The following ZFAT variants were observed in gnomAD, a reference collection of about 807,000 sequenced individuals.
ZFAT encodes zinc finger and AT-hook domain containing.
In ZFAT, 64 loss-of-function variants were observed where a neutral mutation model predicts 117.7. That is an observed-to-expected ratio of 0.54 (90% CI 0.44 to 0.67). The LOEUF is 0.67. ZFAT is among the 30% of genes least tolerant of loss of function. ZFAT has a pLI of 0.00. For missense variants in ZFAT, 1,433 were observed against 1,584.5 expected, an observed-to-expected ratio of 0.90 and a Z score of 1.62; for synonymous variants, 679 against 615.0, an observed-to-expected ratio of 1.10 and a Z score of -1.54.
chr8:134,668,296 G>A (rs528907720), intron 1 of ZFAT, among the ~76,000 whole-genome samples: 38 of 152,290 alleles, frequency 2.5e-4, no homozygotes, highest in Admixed American at 2.2e-3. Context: ...ATCTGAGAAC[G>A]GACAGACCCT....
At chr8:134,780,254 C>A in the ZFAT span, among the ~76,000 whole-genome samples, 3 of 152,148 alleles carry the variant, frequency 2.0e-5, no homozygotes. Context: ...TGTCCTGGGA[C>A]CAAATGGTTG....
intron 12 of ZFAT, among the ~76,000 whole-genome samples, chr8:134,525,108 T>C (rs947420902): frequency 6.6e-6 from 1 of 152,222 alleles, no homozygotes; most frequent in Admixed American, 6.5e-5. Context: ...CTCTGCATTA[T>C]ATGGCGATGC....
Position 134,650,002 on chromosome 8 carries a change from T to C in ZFAT, c.196+7559A>G, listed in dbSNP as rs183759247. Among the ~76,000 whole-genome samples the C allele has an allele frequency of 2.3e-3, 352 of 152,340 alleles. 1 individual carries two copies. The highest frequency in any genetic ancestry group is 8.2e-3 in the African/African-American group (340 of 41,576). The stretch of plus-strand genomic sequence containing the variant: ...CCCCTTGTTTGCACTCACTCTGTCC[T>C]GCTGCCCTGTGAAGAAGGTTCCTGC... On this transcript the variant is annotated intron_variant, in intron 2 of 15. Transcript: ENST00000377838.
At chr8:134,635,285 C>T (rs1830139307) in intron 3 of ZFAT, among the ~76,000 whole-genome samples, 1 of 152,170 alleles carries the variant, frequency 6.6e-6, no homozygotes, top group Non-Finnish European at 1.5e-5. Context: ...CAGAGCTTGA[C>T]CTGAGGTCTG....
intron 3 of ZFAT, among the ~76,000 whole-genome samples, chr8:134,619,231 C>T (rs7010149): frequency 0.033 from 5,056 of 151,932 alleles, 301 homozygotes; most frequent in African/African-American, 0.12. Context: ...CCATTTCACA[C>T]AAAGCCTATT....
At position 134,608,749 on chromosome 8, in the gene ZFAT, C is replaced by G; in HGVS notation, c.765G>C (p.Glu255Asp). The change falls in exon 5 of 16, where the codon GAG becomes GAC. Residue 255 changes from glutamate (E) to aspartate (D), a missense_variant. Glu to Asp is a conservative substitution (Grantham distance 45). Transcript: ENST00000377838. ...TTTACCTGCTTGACTTCATTGGTTG[C>G]TCATAAGGTGTCTGCTGAATGGCGT... is the stretch of plus-strand genomic sequence containing the variant. ...QEYAIQQTPY[E>D]QPMKSSRLGP... is the part of the protein sequence containing the mutation. The G allele has an allele frequency of 6.2e-7, 1 of 1,610,816 alleles. No homozygotes were observed. The highest frequency in any genetic ancestry group is 8.5e-7 in the Non-Finnish European group (1 of 1,178,844).
At chr8:134,783,474 C>T in the ZFAT span, among the ~76,000 whole-genome samples, 6 of 152,278 alleles carry the variant, frequency 3.9e-5, no homozygotes, top group African/African-American at 1.2e-4. Flanking sequence ...CACCTCCCCC[C>T]TTACCCCTGT....
intron 6 of ZFAT, among the ~76,000 whole-genome samples, 195 bp from the exon 7 acceptor site, chr8:134,600,863 T>C (rs192963840): frequency 3.7e-4 from 57 of 152,320 alleles, no homozygotes; most frequent in Non-Finnish European, 6.5e-4. Flanking sequence ...TTAAGGGTGC[T>C]ACTATTTTTT....
chr8:134,813,741 T>C, the ZFAT span, among the ~76,000 whole-genome samples: 1 of 151,942 alleles, frequency 6.6e-6, no homozygotes, highest in South Asian at 2.1e-4. Context: ...TTTATACAAC[T>C]ATAATATAGT....
chr8:134,820,166 T>C, the ZFAT span, among the ~76,000 whole-genome samples: 1 of 152,240 alleles, frequency 6.6e-6, no homozygotes, highest in Non-Finnish European at 1.5e-5. Flanking sequence ...GTGATTTGAA[T>C]GAGGGCATAG....
At chr8:134,814,457 G>C in the ZFAT span, among the ~76,000 whole-genome samples, 3 of 152,210 alleles carry the variant, frequency 2.0e-5, no homozygotes, top group Non-Finnish European at 4.4e-5. Context: ...CATGGTGACT[G>C]TCAAGATAGG....
chr8:134,542,222 A>C (rs887288532), intron 11 of ZFAT, among the ~76,000 whole-genome samples: 13 of 152,334 alleles, frequency 8.5e-5, no homozygotes, highest in South Asian at 2.1e-4. Context: ...TGTGTCCTGG[A>C]CCAAAGTCAA....
Position 134,524,300 on chromosome 8 carries a change from A to C in ZFAT, c.3116-3299T>G, listed in dbSNP as rs189215418. 1.9e-3 allele frequency among the ~76,000 whole-genome samples: 287 copies of C among 152,288 alleles called. 1 individual carries two copies. The highest frequency in any genetic ancestry group is 2.6e-3 in the Non-Finnish European group (175 of 68,034). ...GTCTCCACTTCCAAGAACTCACTAGAAAGAGGTGCTGTTAGTGATGCTCTG... is the reference window on the plus strand; with the variant it reads ...GTCTCCACTTCCAAGAACTCACTAGCAAGAGGTGCTGTTAGTGATGCTCTG... On this transcript the variant is annotated intron_variant, in intron 12 of 15. Coordinates refer to ENST00000377838, the MANE Select transcript of ZFAT (RefSeq NM_020863.4).
rs138645487 is a variant in ZFAT, at chr8:134,509,775, A to G, written c.3362-26T>C. 3.1e-4 allele frequency: 490 copies of G among 1,575,320 alleles called. 2 individuals carry two copies. The African/African-American group carries it at 5.6e-3, about 18-fold the overall frequency. ...CTTAAGAGGAAGAAGCAAAGAGGAC[A>G]CCATTCAGGCCACTGGTGCTGAAGG... is the stretch of plus-strand genomic sequence containing the variant. On this transcript the variant is annotated intron_variant, in intron 14 of 15. Coordinates refer to ENST00000377838, the MANE Select transcript of ZFAT (RefSeq NM_020863.4).
the ZFAT span, among the ~76,000 whole-genome samples, chr8:134,813,302 C>T: frequency 6.6e-6 from 1 of 152,232 alleles, no homozygotes; most frequent in Non-Finnish European, 1.5e-5. Flanking sequence ...TGGCTGCCTT[C>T]TTCCTAAGGC....
At chr8:134,682,853 A>G (rs1833136814) in intron 1 of ZFAT, among the ~76,000 whole-genome samples, 1 of 152,060 alleles carries the variant, frequency 6.6e-6, no homozygotes, top group East Asian at 1.9e-4. Context: ...CTGGCTTCTG[A>G]GCTCACTTCT....
At chr8:134,537,377 C>A (rs1312266333) in intron 11 of ZFAT, among the ~76,000 whole-genome samples, 3 of 152,200 alleles carry the variant, frequency 2.0e-5, no homozygotes, top group African/African-American at 4.8e-5. Context: ...AAAACCCCAA[C>A]TGAGAGGGGC....
chr8:134,644,584 C>A (rs1482810192), intron 2 of ZFAT, among the ~76,000 whole-genome samples: 1 of 151,560 alleles, frequency 6.6e-6, no homozygotes, highest in African/African-American at 2.4e-5. Flanking sequence ...ACATACACAA[C>A]CCATGTACAC....
At chr8:134,524,786 C>T (rs1820909169) in intron 12 of ZFAT, among the ~76,000 whole-genome samples, 1 of 152,238 alleles carries the variant, frequency 6.6e-6, no homozygotes, top group Admixed American at 6.5e-5. Context: ...GATCAGCTAA[C>T]ATCCTCATTG....
Sources: gnomAD v4.1 joint callset for allele counts (sites outside exome capture counted in the v4.1 genomes callset) on GRCh38, gnomAD v4.1.1 for gene constraint, MANE v1.5 for transcripts, NCBI Gene and HGNC (gene_info 2026-07-23, HGNC 2026-07-21) for gene names.